Variants in LAMA2 observed in about 807,000 individuals in gnomAD.
LAMA2 encodes laminin subunit alpha 2.
A neutral mutation model predicts 364.8 loss-of-function variants in LAMA2; 269 were observed. The ratio of observed to expected loss-of-function variants is 0.74; its 90% CI spans 0.67 to 0.82. The LOEUF (loss-of-function observed/expected upper bound fraction) is 0.82. Ranked by LOEUF, LAMA2 falls within the 40% of genes least tolerant of loss-of-function variation. LAMA2 has a pLI of 0.00. For missense variants in LAMA2, 3,807 were observed against 3,873.2 expected, an observed-to-expected ratio of 0.98 and a Z score of 0.45; for synonymous variants, 1,379 against 1,370.6, an observed-to-expected ratio of 1.01 and a Z score of -0.14.
At chr6:129,139,988 C>T (rs1054352170) in intron 4 of LAMA2, among the ~76,000 whole-genome samples, 1 of 152,114 alleles carries the variant, frequency 6.6e-6, no homozygotes, top group Non-Finnish European at 1.5e-5. Context: ...GATACTTATT[C>T]ATGATCTTTC....
chr6:129,097,675 C>T (rs1248927237), intron 3 of LAMA2, among the ~76,000 whole-genome samples: 2 of 152,188 alleles, frequency 1.3e-5, no homozygotes, highest in African/African-American at 2.4e-5. Context: ...ACAATCTGAA[C>T]ATAGGAATGT....
At chr6:129,050,787 G>C (rs1010917746) in intron 2 of LAMA2, among the ~76,000 whole-genome samples, 29 of 152,128 alleles carry the variant, frequency 1.9e-4, no homozygotes, top group Non-Finnish European at 3.8e-4. Context: ...AGAGCAAAAG[G>C]CTGGAGCCAG....
chr6:129,165,811 C>A, intron 9 of LAMA2, 136 bp downstream of exon 9: 1 of 681,604 alleles, frequency 1.5e-6, no homozygotes, highest in East Asian at 2.8e-5. Context: ...AGTGTATTAG[C>A]GTTCCCTCCA....
intron 37 of LAMA2, among the ~76,000 whole-genome samples, chr6:129,396,230 T>A (rs1220771225): frequency 6.6e-6 from 1 of 152,206 alleles, no homozygotes; most frequent in Non-Finnish European, 1.5e-5. Context: ...ACCAGGGTAT[T>A]TGAGGTTGAA....
Position 129,260,652 on chromosome 6 carries a change from C to T in LAMA2, c.2097-59C>T, listed in dbSNP as rs532843789. 3.0e-6 allele frequency: 3 copies of T among 1,001,206 alleles called. No individual in the cohort carries two copies. In the African/African-American group the frequency reaches 4.7e-5, roughly 16 times the overall value. 62.0% of individuals were successfully genotyped at this position (1,001,206 alleles called of 1,614,324 possible). A position where few individuals can be genotyped will look rare whatever the true frequency, so the allele number is the denominator to read the frequency against. ...TGTCATTGTTGCTGTACGATTCCTA[C>T]AGCTGTATAATACCTAAGAACTTTA... On this transcript the variant is annotated intron_variant, in intron 14 of 64. Transcript: ENST00000421865.
intron 29 of LAMA2, among the ~76,000 whole-genome samples, chr6:129,339,596 C>A (rs919108860): frequency 6.6e-6 from 1 of 151,850 alleles, no homozygotes; most frequent in Non-Finnish European, 1.5e-5. Flanking sequence ...GAGATGAGGA[C>A]CAAAGTTAGA....
chr6:129,334,832 C>A lies in LAMA2; in HGVS notation c.4311+6420C>A, dbSNP rs116371001. ...CTCTCTGGGGTCTCTTTTGTAAAGG[C>A]CCTAATCCCACTCATGAGGCTCCAG... On this transcript the variant is annotated intron_variant, in intron 29 of 64. Transcript: ENST00000421865. Among the ~76,000 whole-genome samples the A allele has an allele frequency of 8.9e-3, 1,356 of 152,164 alleles. 21 individuals are homozygous for A. Among genetic ancestry groups the A allele is most frequent in the African/African-American group, 0.031 (1,304 of 41,522 alleles).
chr6:128,997,091 G>A (rs911606759), intron 1 of LAMA2, among the ~76,000 whole-genome samples: 2 of 151,700 alleles, frequency 1.3e-5, no homozygotes, highest in Admixed American at 6.6e-5. Context: ...ACATATGGAC[G>A]GACACAGGGA....
chr6:129,229,558 T>C (rs1784544593), intron 12 of LAMA2, among the ~76,000 whole-genome samples: 1 of 152,188 alleles, frequency 6.6e-6, no homozygotes, highest in Non-Finnish European at 1.5e-5. Context: ...TATGTTTTAA[T>C]AGGGTTAGTA....
chr6:129,307,570 A>G (rs1308279344), intron 22 of LAMA2, among the ~76,000 whole-genome samples: 1 of 152,088 alleles, frequency 6.6e-6, no homozygotes, highest in Non-Finnish European at 1.5e-5. Context: ...GCCTCTGTAC[A>G]CTGCTTCATG....
intron 39 of LAMA2, 50 bp from the exon 40 acceptor site, chr6:129,403,771 T>C (rs376355283): frequency 1.2e-5 from 18 of 1,563,018 alleles, no homozygotes; most frequent in Non-Finnish European, 1.4e-5. Flanking sequence ...CGTTCTTCAT[T>C]TGAGTACCAT....
At chr6:129,446,209 G>A (rs1782365018) in intron 45 of LAMA2, among the ~76,000 whole-genome samples, 1 of 151,792 alleles carries the variant, frequency 6.6e-6, no homozygotes, top group South Asian at 2.1e-4. Flanking sequence ...GGTTATGGCA[G>A]GAATGAAGGA....
intron 35 of LAMA2, among the ~76,000 whole-genome samples, chr6:129,386,224 G>A (rs576539016): frequency 4.5e-4 from 68 of 152,082 alleles, no homozygotes; most frequent in Non-Finnish European, 7.8e-4. Flanking sequence ...TTTCAATACT[G>A]TGGGAAAGAA....
Position 129,448,048 on chromosome 6 carries a change from GAGGCTGAGGC to G in LAMA2, c.6429+2232_6429+2241del, listed in dbSNP as rs536976486. Among the ~76,000 whole-genome samples, 28 of 152,318 alleles carry G rather than the reference GAGGCTGAGGC, an allele frequency of 1.8e-4. No individual in the cohort carries two copies. In the East Asian group the frequency reaches 5.0e-3, roughly 27 times the overall value. On this transcript the variant is annotated intron_variant, in intron 45 of 64. Transcript: ENST00000421865. ...CAAGCCTGTCATCCCAACACTTTGG[GAGGCTGAGGC>G]AGGCAGATTGCATGAACTCAGGAGT...
At chr6:129,392,958 A>G in intron 36 of LAMA2, 87 bp from the exon 37 acceptor site, 7 of 1,010,594 alleles carry the variant, frequency 6.9e-6, no homozygotes, top group Non-Finnish European at 1.1e-5. Context: ...TCATGTTAGC[A>G]TCTCTTTGTA....
chr6:129,120,778 T>C (rs879154616), intron 4 of LAMA2, among the ~76,000 whole-genome samples: 31 of 152,330 alleles, frequency 2.0e-4, no homozygotes, highest in Admixed American at 1.9e-3. Flanking sequence ...TCCTCGGGTA[T>C]ACACAACCTT....
At chr6:129,435,476 T>A (rs990984490) in intron 41 of LAMA2, among the ~76,000 whole-genome samples, 2 of 152,168 alleles carry the variant, frequency 1.3e-5, no homozygotes, top group Admixed American at 1.3e-4. Context: ...GAATTGTGAT[T>A]GACAGAGGAG....
rs756993844 is a variant in LAMA2, at chr6:129,473,395, A to G, written c.7439+43A>G. ...TAAAGCTAAGGATTAAGTTTTAATT[A>G]AATGACCACTATGCTCACTAGAGTT... On this transcript the variant is annotated intron_variant, in intron 52 of 64. Coordinates refer to ENST00000421865, the MANE Select transcript of LAMA2 (RefSeq NM_000426.4). 1.9e-6 allele frequency: 3 copies of G among 1,567,414 alleles called. No homozygotes were observed. The East Asian group carries it at 6.7e-5, about 35-fold the overall frequency.
chr6:129,428,763 T>G (rs1160567823), intron 41 of LAMA2, among the ~76,000 whole-genome samples: 1 of 152,184 alleles, frequency 6.6e-6, no homozygotes, highest in Non-Finnish European at 1.5e-5. Context: ...ATTTTTCTTG[T>G]ATTTTATTTC....
Sources: allele counts gnomAD v4.1 joint callset (sites outside exome capture counted in the v4.1 genomes callset), GRCh38; gene constraint gnomAD v4.1.1; transcripts MANE v1.5; gene names NCBI Gene and HGNC (gene_info 2026-07-23, HGNC 2026-07-21).